Variants in NAV2 observed in about 807,000 individuals in gnomAD.
The protein encoded by NAV2 is neuron navigator 2, also known as helicase, APC down-regulated 1.
In NAV2, 54 loss-of-function variants were observed where a neutral mutation model predicts 223.2. The observed-to-expected ratio is 0.24, with a 90% CI of 0.19 to 0.30. The LOEUF (loss-of-function observed/expected upper bound fraction) is 0.30. Among genes scored for constraint, NAV2 ranks in the 10% least tolerant of loss-of-function variants. NAV2 has a pLI of 1.00. For missense variants in NAV2, 2,806 were observed against 3,147.5 expected (o/e 0.89, Z 2.60); for synonymous variants, 1,279 against 1,239.3 (o/e 1.03, Z -0.67).
rs545431198 is a variant in NAV2 at position 19,900,061 on chromosome 11, A to G, written c.931+7467A>G. On this transcript the variant is annotated intron_variant, in intron 6 of 37. Coordinates refer to ENST00000349880, the MANE Select transcript of NAV2 (RefSeq NM_145117.5). Reference sequence around the variant, plus strand: ...TTTTTTGGGAATCAGCTGTGATGTTATTATGACCTTCTAGCTAGTACCCAT... The same window carrying G: ...TTTTTTGGGAATCAGCTGTGATGTTGTTATGACCTTCTAGCTAGTACCCAT... Among the ~76,000 whole-genome samples the G allele has an allele frequency of 1.9e-4, 29 of 152,274 alleles. 1 individual carries two copies. In the East Asian group the frequency reaches 5.6e-3, roughly 29 times the overall value.
intron 1 of NAV2, among the ~76,000 whole-genome samples, chr11:19,358,749 C>T (rs1263941126): frequency 6.6e-6 from 1 of 152,152 alleles, no homozygotes. Context: ...CCCCTCTTCC[C>T]ACCTCTTACA....
intron 10 of NAV2, among the ~76,000 whole-genome samples, chr11:19,976,561 T>C (rs1406650642): frequency 6.6e-6 from 1 of 152,214 alleles, no homozygotes; most frequent in East Asian, 1.9e-4. Flanking sequence ...ATCTGAGCCC[T>C]TGTTTGATTA....
intron 35 of NAV2, 43 bp from the exon 36 acceptor site, chr11:20,107,621 C>T: frequency 6.8e-7 from 1 of 1,470,002 alleles, no homozygotes; most frequent in South Asian, 1.1e-5. Flanking sequence ...CCCCATCACC[C>T]ATGCCCATTT....
chr11:19,567,666 C>T (rs2045309619), intron 1 of NAV2, among the ~76,000 whole-genome samples: 1 of 152,160 alleles, frequency 6.6e-6, no homozygotes, highest in Non-Finnish European at 1.5e-5. Context: ...TCACTATGGC[C>T]CTTTAACCTC....
intron 1 of NAV2, among the ~76,000 whole-genome samples, chr11:19,548,149 A>G (rs879923889): frequency 1.3e-5 from 2 of 152,186 alleles, no homozygotes; most frequent in Non-Finnish European, 1.5e-5. Context: ...TGACAATTTC[A>G]TGGCTGTCGG....
chr11:19,620,765 C>T (rs1269986399), intron 1 of NAV2, among the ~76,000 whole-genome samples: 1 of 152,170 alleles, frequency 6.6e-6, no homozygotes, highest in East Asian at 1.9e-4. Flanking sequence ...CTTCTCCTGC[C>T]TGATTGCCCT....
chr11:19,688,215 A>G (rs1175594624), intron 1 of NAV2, among the ~76,000 whole-genome samples: 1 of 152,094 alleles, frequency 6.6e-6, no homozygotes, highest in Non-Finnish European at 1.5e-5. Flanking sequence ...GCCCCTGAAA[A>G]CTCTTGGAGG....
chr11:19,856,280 C>A (rs1046263454), intron 3 of NAV2, among the ~76,000 whole-genome samples: 2 of 152,130 alleles, frequency 1.3e-5, no homozygotes, highest in African/African-American at 4.8e-5. Flanking sequence ...TTTGACCATG[C>A]CTCTGACATT....
chr11:19,430,908 C>T (rs1851015352), intron 1 of NAV2, among the ~76,000 whole-genome samples: 1 of 152,248 alleles, frequency 6.6e-6, no homozygotes, highest in African/African-American at 2.4e-5. Context: ...CCAGTAAGTG[C>T]TGCAAGTGTG....
chr11:19,866,379 C>A (rs544721988), intron 3 of NAV2, among the ~76,000 whole-genome samples: 2 of 152,270 alleles, frequency 1.3e-5, no homozygotes, highest in South Asian at 4.1e-4. Context: ...CCATCCCTAG[C>A]CAGTGGAGAA....
At chr11:19,467,024 G>GAGAGAGAGAGATAGAT (rs1401967978) in intron 1 of NAV2, among the ~76,000 whole-genome samples, 2 of 102,070 alleles carry the variant, frequency 2.0e-5, no homozygotes, top group African/African-American at 7.3e-5. Context: ...CACACAGAGA[G>GAGAGAGAGAGATAGAT]AGAGAGAGAG....
At chr11:19,717,198 G>A (rs536476927) in intron 1 of NAV2, among the ~76,000 whole-genome samples, 195 of 152,352 alleles carry the variant, frequency 1.3e-3, no homozygotes, top group African/African-American at 4.4e-3. Context: ...TGAGGCCTGC[G>A]GTCTTCCCAC....
chr11:19,917,535 G>C (rs777164334), intron 6 of NAV2, among the ~76,000 whole-genome samples: 21 of 152,112 alleles, frequency 1.4e-4, no homozygotes, highest in Admixed American at 4.6e-4. Context: ...TACCCTCACA[G>C]ACAGTGGCTT....
intron 1 of NAV2, among the ~76,000 whole-genome samples, chr11:19,807,113 G>A (rs2058610895): frequency 6.6e-6 from 1 of 152,192 alleles, no homozygotes; most frequent in South Asian, 2.1e-4. Flanking sequence ...TGCGGACAAA[G>A]CCCGTGGAGT....
At chr11:20,021,127 C>T (rs1398027239) in intron 11 of NAV2, among the ~76,000 whole-genome samples, 1 of 152,174 alleles carries the variant, frequency 6.6e-6, no homozygotes, top group African/African-American at 2.4e-5. Flanking sequence ...TTCTTCTTTA[C>T]AATACGTTGT....
At chr11:19,659,495 T>C (rs1035182209) in intron 1 of NAV2, among the ~76,000 whole-genome samples, 7 of 152,110 alleles carry the variant, frequency 4.6e-5, no homozygotes, top group African/African-American at 1.4e-4. Context: ...CTTTGGCTCA[T>C]GTATAGAAAG....
intron 31 of NAV2, among the ~76,000 whole-genome samples, chr11:20,099,334 C>T (rs1219725642): frequency 6.6e-6 from 1 of 152,212 alleles, no homozygotes; most frequent in Non-Finnish European, 1.5e-5. Flanking sequence ...GTTCAAATTG[C>T]ATTTCATCCC....
Position 19,477,780 on chromosome 11 carries a change from C to T in NAV2, c.75+126753C>T, listed in dbSNP as rs1009592113. 3.9e-5 allele frequency among the ~76,000 whole-genome samples: 6 copies of T among 152,166 alleles called. No homozygotes were observed. The East Asian group carries it at 1.2e-3, about 29-fold the overall frequency. ...AGCTCAGTGAGGCTAGGATTATGAACATCTTTTACAGATGAGGAAACAGGA... is the reference window on the plus strand; with the variant it reads ...AGCTCAGTGAGGCTAGGATTATGAATATCTTTTACAGATGAGGAAACAGGA... On this transcript the variant is annotated intron_variant, in intron 1 of 37. Transcript: ENST00000360655.
intron 1 of NAV2, among the ~76,000 whole-genome samples, chr11:19,449,595 G>A (rs926614686): frequency 4.0e-5 from 5 of 125,246 alleles, no homozygotes; most frequent in South Asian, 5.8e-4. Context: ...AGCAAGGGAA[G>A]AATTCAGGGT....
Sources: allele counts gnomAD v4.1 joint callset (sites outside exome capture counted in the v4.1 genomes callset), GRCh38; gene constraint gnomAD v4.1.1; transcripts MANE v1.5; gene names NCBI Gene and HGNC (gene_info 2026-07-23, HGNC 2026-07-21).